The following ANKRD11 variants were observed in gnomAD, a reference collection of about 807,000 sequenced individuals.
ANKRD11 encodes ankyrin repeat domain 11, also known as ankyrin repeat domain-containing protein 11.
ANKRD11 carries 17 observed loss-of-function variants against 195.7 expected under a neutral mutation model. The ratio of observed to expected loss-of-function variants is 0.09; its 90% CI spans 0.06 to 0.13. ANKRD11 has a LOEUF of 0.13. ANKRD11 is among the 10% of genes least tolerant of loss of function. The probability of loss-of-function intolerance (pLI) is 1.00; values close to 1 mark genes in which losing one functional copy is unlikely to be tolerated. For missense variants in ANKRD11, 3,735 were observed against 3,566.1 expected (o/e 1.05, Z -1.21); for synonymous variants, 1,953 against 1,528.1 (o/e 1.28, Z -6.49).
intron 1 of ANKRD11, among the ~76,000 whole-genome samples, chr16:89,438,265 A>G (rs755582466): frequency 6.6e-6 from 1 of 152,264 alleles, no homozygotes; most frequent in Non-Finnish European, 1.5e-5. Context: ...GCAAAGGGCA[A>G]AAGTACAAAA....
At chr16:89,373,768 C>T (rs2040297873) in intron 2 of ANKRD11, among the ~76,000 whole-genome samples, 1 of 152,232 alleles carries the variant, frequency 6.6e-6, no homozygotes, top group African/African-American at 2.4e-5. Flanking sequence ...TACCTGGGAT[C>T]CCCCAAGAAC....
chr16:89,279,819 G>C lies in ANKRD11; in HGVS notation c.6723C>G (p.Pro2241=). 2 of 1,543,998 alleles carry C rather than the reference G, an allele frequency of 1.3e-6. No individual in the cohort carries two copies. Among genetic ancestry groups the C allele is most frequent in the Middle Eastern group, 2.0e-4 (1 of 4,992 alleles). ...ARGDPDSSVE[P]APVPPEQRPL... ...GGCGCTGTTCTGGGGGAACGGGCGC[G>C]GGCTCCACGCTGGAGTCCGGATCCC... Residue 2241 remains proline, a synonymous_variant, in exon 9 of 13, where the codon CCC becomes CCG. Transcript: ENST00000301030. The surrounding 1 kb of genome is among the most constrained non-coding windows in gnomAD (Gnocchi z 5.6).
chr16:89,359,520 C>G (rs933401638), intron 2 of ANKRD11, among the ~76,000 whole-genome samples: 1 of 152,226 alleles, frequency 6.6e-6, no homozygotes, highest in African/African-American at 2.4e-5. Flanking sequence ...CTCACTGTGC[C>G]TACCTCCTTG....
intron 10 of ANKRD11, 58 bp downstream of exon 10, chr16:89,275,035 G>C: frequency 6.2e-6 from 10 of 1,612,838 alleles, no homozygotes; most frequent in Non-Finnish European, 8.5e-6. Flanking sequence ...AGCCCCTGGG[G>C]CCTGCGCCGT....
rs978514758 is a variant in ANKRD11, at chr16:89,279,690, G to A, written c.6852C>T (p.Ala2284=). 8 of 1,497,526 alleles carry A rather than the reference G, an allele frequency of 5.3e-6. No homozygotes were observed. The highest frequency in any genetic ancestry group is 2.8e-5 in the African/African-American group (2 of 72,052). The allele number at this position is 1,497,526 out of a possible 1,614,324, so 92.8% of individuals were successfully genotyped here. A position where few individuals can be genotyped will look rare whatever the true frequency, so the allele number is the denominator to read the frequency against. The change falls in exon 9 of 13, where the codon GCC becomes GCT. Residue 2284 remains alanine, a synonymous_variant. Coordinates refer to ENST00000301030, the MANE Select transcript of ANKRD11 (RefSeq NM_013275.6). The surrounding 1 kb of genome is among the most constrained non-coding windows in gnomAD (Gnocchi z 5.6). ...CGTCCTCGGGGCCGGCACCGTCTGC[G>A]GCCTGAGCTTGTGCCACAGTGTTCG... ...PAPNTVAQAQ[A]ADGAGPEDDT... is the part of the protein sequence containing the mutation.
At chr16:89,433,758 G>A (rs1383132478) in intron 1 of ANKRD11, among the ~76,000 whole-genome samples, 1 of 151,500 alleles carries the variant, frequency 6.6e-6, no homozygotes, top group Non-Finnish European at 1.5e-5. Flanking sequence ...GCAGGGCTGG[G>A]CACGCCACCT....
chr16:89,268,456 G>A lies in ANKRD11; in HGVS notation c.*22C>T, dbSNP rs1567532718. 5.4e-6 allele frequency: 6 copies of A among 1,106,708 alleles called. No individual in the cohort carries two copies. The highest frequency in any genetic ancestry group is 2.6e-5 in the East Asian group (1 of 37,944). The allele number at this position is 1,106,708 out of a possible 1,614,324, so 68.6% of individuals were successfully genotyped here. On this transcript the variant is annotated 3_prime_UTR_variant, in exon 13 of 13. Coordinates refer to ENST00000301030, the MANE Select transcript of ANKRD11 (RefSeq NM_013275.6). Reference sequence around the variant, plus strand: ...GGGCAGCCGTGCGGCCCTCGCCTGCGTCCTGCGGCCGTCCCGCGGTGTCAT... The same window carrying A: ...GGGCAGCCGTGCGGCCCTCGCCTGCATCCTGCGGCCGTCCCGCGGTGTCAT...
chr16:89,321,443 T>G (rs956639441), intron 2 of ANKRD11, among the ~76,000 whole-genome samples: 1 of 42,814 alleles, frequency 2.3e-5, no homozygotes, highest in East Asian at 6.0e-4. Context: ...CAGGGCAGGG[T>G]GTGGGGCGGG....
intron 4 of ANKRD11, among the ~76,000 whole-genome samples, chr16:89,295,407 T>C (rs1219503155): frequency 6.6e-6 from 1 of 152,090 alleles, no homozygotes; most frequent in Non-Finnish European, 1.5e-5. Context: ...GTAGGGCCTT[T>C]CTTCAAACCA....
chr16:89,442,732 A>G (rs556967484), intron 1 of ANKRD11, among the ~76,000 whole-genome samples: 1 of 152,310 alleles, frequency 6.6e-6, no homozygotes, highest in East Asian at 1.9e-4. Flanking sequence ...GAACCCAGAC[A>G]CGCACAGCAA....
chr16:89,304,529 C>CACAT (rs2036053191), intron 4 of ANKRD11, among the ~76,000 whole-genome samples: 1 of 151,544 alleles, frequency 6.6e-6, no homozygotes, highest in South Asian at 2.1e-4. Context: ...TACAGGCACA[C>CACAT]ACATGGGTAC....
At chr16:89,399,154 C>T (rs1567750824) in intron 2 of ANKRD11, among the ~76,000 whole-genome samples, 1 of 152,302 alleles carries the variant, frequency 6.6e-6, no homozygotes, top group Admixed American at 6.5e-5. Flanking sequence ...TGACACAGCA[C>T]GAGTCCACGC....
intron 2 of ANKRD11, among the ~76,000 whole-genome samples, chr16:89,364,973 T>C (rs1470073528): frequency 6.6e-6 from 1 of 152,228 alleles, no homozygotes; most frequent in African/African-American, 2.4e-5. Context: ...TTTTCAAATT[T>C]TGGCATGGAA....
intron 2 of ANKRD11, among the ~76,000 whole-genome samples, chr16:89,416,659 G>C (rs1297606335): frequency 6.6e-6 from 1 of 151,556 alleles, no homozygotes; most frequent in Non-Finnish European, 1.5e-5. Flanking sequence ...GCCAGGTGTG[G>C]TGGCTCACAC....
intron 1 of ANKRD11, among the ~76,000 whole-genome samples, chr16:89,481,293 T>A (rs2057436151): frequency 6.6e-6 from 1 of 152,172 alleles, no homozygotes; most frequent in African/African-American, 2.4e-5. Context: ...TAAGGCTGCA[T>A]GTGATGTCTT....
chr16:89,278,686 G>A (rs769850326), intron 9 of ANKRD11: 2 of 480,450 alleles, frequency 4.2e-6, no homozygotes, highest in Non-Finnish European at 8.2e-6. Context: ...CAAGGGAGAA[G>A]GGGGCGGGGC....
At chr16:89,396,622 ATG>A (rs2041444430) in intron 2 of ANKRD11, among the ~76,000 whole-genome samples, 1 of 152,148 alleles carries the variant, frequency 6.6e-6, no homozygotes, top group Non-Finnish European at 1.5e-5. Flanking sequence ...GCTGTCTTCT[ATG>A]AAGCCACACA....
intron 2 of ANKRD11, among the ~76,000 whole-genome samples, chr16:89,411,188 G>A (rs984082055): frequency 2.0e-4 from 30 of 152,248 alleles, no homozygotes; most frequent in African/African-American, 6.5e-4. Flanking sequence ...ACGCCTCCAT[G>A]ACGGTGCCCT....
chr16:89,415,905 G>A (rs531291157), intron 2 of ANKRD11, among the ~76,000 whole-genome samples: 1 of 149,716 alleles, frequency 6.7e-6, no homozygotes, highest in South Asian at 2.1e-4. Context: ...TGCCCATGTG[G>A]GTCACGGCGC....
Sources: allele counts gnomAD v4.1 joint callset (sites outside exome capture counted in the v4.1 genomes callset), GRCh38; gene constraint gnomAD v4.1.1; non-coding constraint Gnocchi (gnomAD v3.1); transcripts MANE v1.5; gene names NCBI Gene and HGNC (gene_info 2026-07-23, HGNC 2026-07-21).